The following OFD1 variants were observed in gnomAD, a reference collection of about 807,000 sequenced individuals.
OFD1 encodes centriole and centriolar satellite protein OFD1.
In OFD1, 12 loss-of-function variants were observed where a neutral mutation model predicts 81.4. The observed-to-expected ratio is 0.15, with a 90% CI of 0.09 to 0.24. OFD1 has a LOEUF of 0.24. Among genes scored for constraint, OFD1 ranks in the 10% least tolerant of loss-of-function variants. The pLI, the probability that OFD1 is intolerant of heterozygous loss-of-function variation, is 1.00. For missense variants in OFD1, 685 were observed against 733.9 expected, an observed-to-expected ratio of 0.93 and a Z score of 0.77; for synonymous variants, 256 against 263.7, an observed-to-expected ratio of 0.97 and a Z score of 0.28.
rs754240752 is a variant in OFD1, at chrX:13,749,501, A to G, written c.903A>G (p.Ala301=). Residue 301 remains alanine, a synonymous_variant, in exon 9 of 23, where the codon GCA becomes GCG. Transcript: ENST00000340096. ...KDMDLLRGRE[A]ELKQRVEAFE... is the part of the protein sequence containing the mutation. ...TGGATTTGCTAAGAGGAAGAGAAGC[A>G]GAGCTGAAGCAAAGAGTTGAAGCTT... 4 of 1,194,078 alleles carry G rather than the reference A, an allele frequency of 3.3e-6. No individual in the cohort carries two copies. Among genetic ancestry groups the G allele is most frequent in the Non-Finnish European group, 4.5e-6 (4 of 880,378 alleles).
Position 13,768,074 on chromosome X carries a change from G to T in OFD1, c.2778G>T (p.Leu926=). ...TATAGAAGATGATTGAAGAATCACT[G>T]AAGATTAAAATAAAAAAGGAATTAG... ...YQERKMIEES[L]KIKIKKELEM... The change falls in exon 21 of 23, where the codon CTG becomes CTT. Residue 926 remains leucine, a synonymous_variant. Coordinates refer to ENST00000340096, the MANE Select transcript of OFD1 (RefSeq NM_003611.3). The T allele has an allele frequency of 8.5e-6, 10 of 1,173,685 alleles. No homozygotes were observed. Among genetic ancestry groups the T allele is most frequent in the South Asian group, 5.4e-5 (3 of 55,880 alleles).
Position 13,756,650 on chromosome X carries a change from A to G in OFD1, c.1294A>G (p.Lys432Glu), listed in dbSNP as rs142352920. ...AAACCATATGCTGAATGAAAAGGTT[A>G]AAGAGATGAGTGATTATTCACTACT... ...KQNHMLNEKV[K>E]EMSDYSLLKE... The change falls in exon 13 of 23, where the codon AAA becomes GAA. Residue 432 changes from lysine (K) to glutamate (E), a missense_variant. By Grantham distance (56) the Lys-to-Glu change is moderately conservative. Transcript: ENST00000340096. The G allele has an allele frequency of 4.8e-4, 573 of 1,203,364 alleles. 1 individual carries two copies. Among genetic ancestry groups the G allele is most frequent in the Non-Finnish European group, 6.0e-4 (531 of 889,797 alleles).
At chrX:13,772,950 T>C, downstream of OFD1, 1 of 1,209,227 alleles carries the variant, frequency 8.3e-7, no homozygotes, top group African/African-American at 1.7e-5. Flanking sequence ...CTTCCTTTGC[T>C]TTGATATCCT....
At chrX:13,763,258 A>G (rs1360537022) in intron 18 of OFD1, among the ~76,000 whole-genome samples, 2 of 112,646 alleles carry the variant, frequency 1.8e-5, no homozygotes, top group African/African-American at 6.5e-5. Context: ...TGTAGAGCCT[A>G]TCATCTCTAA....
chrX:13,757,164 T>C (rs1402781596), intron 13 of OFD1, among the ~76,000 whole-genome samples: 5 of 112,344 alleles, frequency 4.5e-5, no homozygotes, highest in Non-Finnish European at 9.4e-5. Flanking sequence ...GCCCTGTTAC[T>C]AGCCCACCCA....
At chrX:13,756,449 G>A in intron 12 of OFD1, 129 bp from the exon 13 acceptor site, 2 of 490,513 alleles carry the variant, frequency 4.1e-6, no homozygotes, top group Non-Finnish European at 6.9e-6. Flanking sequence ...TCTTATTGTA[G>A]AGAATCAGAC....
intron 15 of OFD1, among the ~76,000 whole-genome samples, chrX:13,759,212 T>C (rs189228384): frequency 8.9e-6 from 1 of 112,299 alleles, no homozygotes; most frequent in African/African-American, 3.2e-5. Context: ...TGTTCCCACC[T>C]GCATTGTTTC....
intron 2 of OFD1, among the ~76,000 whole-genome samples, chrX:13,735,706 G>A (rs1224757606): frequency 6.2e-5 from 7 of 112,062 alleles, no homozygotes; most frequent in Admixed American, 3.8e-4. Context: ...TTTGGATGAA[G>A]GACATTGACA....
chrX:13,752,748 T>C (rs769528001), intron 10 of OFD1: 13 of 970,356 alleles, frequency 1.3e-5, no homozygotes, highest in Non-Finnish European at 1.2e-5. Flanking sequence ...GGAATCCTCA[T>C]ATGACTTTGG....
Position 13,746,338 on chromosome X carries a change from T to C in OFD1, c.537T>C (p.Ile179=), listed in dbSNP as rs2047297414. ...TAATAGCTGAGAAGCTTCAGCTTAT[T>C]GATGATCAGTTTGCAGATGCTTACC... ...RDSLAEKLQL[I]DDQFADAYPQ... is the part of the protein sequence containing the mutation. Residue 179 remains isoleucine, a synonymous_variant, in exon 7 of 23, where the codon ATT becomes ATC. Transcript: ENST00000340096. The C allele has an allele frequency of 8.3e-7, 1 of 1,206,333 alleles. No individual in the cohort carries two copies. Among genetic ancestry groups the C allele is most frequent in the South Asian group, 1.8e-5 (1 of 56,878 alleles).
upstream of OFD1, among the ~76,000 whole-genome samples, chrX:13,732,076 G>A (rs1307666311): frequency 8.9e-6 from 1 of 111,934 alleles, no homozygotes; most frequent in East Asian, 2.8e-4. Flanking sequence ...TCAGTAAGAG[G>A]CAAAAGTCTG....
chrX:13,733,963 G>A, upstream of OFD1: 2 of 509,822 alleles, frequency 3.9e-6, no homozygotes, highest in Non-Finnish European at 7.0e-6. Flanking sequence ...TTCTCTGGCT[G>A]TAACATTTTC....
At chrX:13,716,370 GT>G in the OFD1 span, 2 of 644,593 alleles carry the variant, frequency 3.1e-6, no homozygotes, top group Non-Finnish European at 4.7e-6. Context: ...TAAACAAAAT[GT>G]TTTTCCCCCC....
chrX:13,716,535 C>G, the OFD1 span: 1 of 1,211,361 alleles, frequency 8.3e-7, no homozygotes, highest in Admixed American at 2.2e-5. Context: ...TAAGGATATG[C>G]CCCGCAGTGA....
the OFD1 span, among the ~76,000 whole-genome samples, chrX:13,727,978 G>A: frequency 8.9e-6 from 1 of 111,951 alleles, no homozygotes; most frequent in East Asian, 2.8e-4. Context: ...ACACCTCTAC[G>A]CAAATAAACT....
the OFD1 span, among the ~76,000 whole-genome samples, chrX:13,728,954 A>G: frequency 1.8e-5 from 2 of 111,872 alleles, no homozygotes; most frequent in East Asian, 2.8e-4. Context: ...CTATACACCA[A>G]TAATAGACAG....
intron 3 of OFD1, 118 bp from the exon 4 acceptor site, chrX:13,738,722 CATAGTT>C (rs1410626106): frequency 4.1e-6 from 2 of 483,855 alleles, no homozygotes; most frequent in African/African-American, 4.8e-5. Context: ...GCTTTATTAG[CATAGTT>C]ATAATCTTAT....
At chrX:13,768,629 CAT>C (rs1219508691) in intron 21 of OFD1, 87 bp from the exon 22 acceptor site, 16 of 717,420 alleles carry the variant, frequency 2.2e-5, no homozygotes, top group Non-Finnish European at 3.1e-5. Context: ...TTTTAAATTA[CAT>C]ATATATTTCA....
At chrX:13,761,904 CTT>C (rs747167069) in intron 17 of OFD1, among the ~76,000 whole-genome samples, 28 of 68,935 alleles carry the variant, frequency 4.1e-4, no homozygotes, top group East Asian at 1.5e-3. Flanking sequence ...AGTCCTAAAG[CTT>C]TTTTTTTTTT....
Sources: allele counts gnomAD v4.1 joint callset (sites outside exome capture counted in the v4.1 genomes callset), GRCh38; gene constraint gnomAD v4.1.1; transcripts MANE v1.5; gene names NCBI Gene and HGNC (gene_info 2026-07-23, HGNC 2026-07-21).